Variants in SPTBN1 observed in about 807,000 individuals in gnomAD.
SPTBN1 encodes spectrin beta, non-erythrocytic 1.
A neutral mutation model predicts 266.4 loss-of-function variants in SPTBN1; 32 were observed. The observed-to-expected ratio is 0.12, with a 90% confidence interval of 0.09 to 0.16. The LOEUF (loss-of-function observed/expected upper bound fraction) is 0.16, where lower values mean the gene tolerates loss of function less well. Among genes scored for constraint, SPTBN1 ranks in the 10% least tolerant of loss-of-function variants. The pLI, the probability that SPTBN1 is intolerant of heterozygous loss-of-function variation, is 1.00. For missense variants in SPTBN1, 2,296 were observed against 3,067.1 expected (o/e 0.75, Z 5.94); for synonymous variants, 1,336 against 1,162.2 (o/e 1.15, Z -3.04).
chr2:54,494,267 A>T (rs527933741), intron 1 of SPTBN1, among the ~76,000 whole-genome samples: 2 of 152,354 alleles, frequency 1.3e-5, no homozygotes, highest in East Asian at 3.9e-4. Flanking sequence ...TTTTAAGAGG[A>T]TATTCCTCTG....
intron 1 of SPTBN1, among the ~76,000 whole-genome samples, chr2:54,496,512 C>T (rs1668980499): frequency 6.7e-6 from 1 of 149,446 alleles, no homozygotes; most frequent in Non-Finnish European, 1.5e-5. Flanking sequence ...TTATCTTCTA[C>T]ATATTATTAG....
chr2:54,471,610 G>A lies in SPTBN1; in HGVS notation c.-48+15092G>A, dbSNP rs151214046. ...TGGGACGTGATTCCAGCAAGGCTGT[G>A]CATCAAATGTTGGAATGTGTTGGAG... is the stretch of plus-strand genomic sequence containing the variant. On this transcript the variant is annotated intron_variant, in intron 1 of 35. Transcript: ENST00000356805. Among the ~76,000 whole-genome samples the A allele has an allele frequency of 1.8e-4, 28 of 152,220 alleles. No individual in the cohort carries two copies. The East Asian group carries it at 5.2e-3, about 28-fold the overall frequency.
At chr2:54,627,259 T>C (rs1318949441) in intron 12 of SPTBN1, among the ~76,000 whole-genome samples, 3 of 152,234 alleles carry the variant, frequency 2.0e-5, no homozygotes, top group South Asian at 4.1e-4. Flanking sequence ...GAAATGTTCG[T>C]AAAATGTAGC....
At chr2:54,468,606 T>G (rs2103844269) in intron 1 of SPTBN1, among the ~76,000 whole-genome samples, 1 of 152,356 alleles carries the variant, frequency 6.6e-6, no homozygotes, top group South Asian at 2.1e-4. Flanking sequence ...CACTATCTGT[T>G]GCCCTGAGCT....
intron 2 of SPTBN1, among the ~76,000 whole-genome samples, chr2:54,585,236 T>G (rs1442007777): frequency 1.3e-5 from 2 of 152,218 alleles, no homozygotes; most frequent in African/African-American, 4.8e-5. Context: ...AAGCTTTGGT[T>G]AGTGTTCCTA....
intron 2 of SPTBN1, among the ~76,000 whole-genome samples, chr2:54,584,861 C>G (rs542353719): frequency 6.6e-6 from 1 of 152,214 alleles, no homozygotes; most frequent in South Asian, 2.1e-4. Context: ...AAACTACAAA[C>G]AGCCAGGTCC....
Position 54,554,514 on chromosome 2 carries a change from A to C in SPTBN1, c.148+27948A>C, listed in dbSNP as rs772710200. On this transcript the variant is annotated intron_variant, in intron 2 of 35. Coordinates refer to ENST00000356805, the MANE Select transcript of SPTBN1 (RefSeq NM_003128.3). The surrounding 1 kb of genome is among the most constrained non-coding windows in gnomAD (Gnocchi z 4.5). ...AACTGGGACTGCAGTTAGAAGTGGG[A>C]CCTAAGCAGGGTGAACCCAAATCAC... Among the ~76,000 whole-genome samples, 1 of 152,248 alleles carries C rather than the reference A, an allele frequency of 6.6e-6. No individual in the cohort carries two copies. The highest frequency in any genetic ancestry group is 1.5e-5 in the Non-Finnish European group (1 of 68,036).
At position 54,620,963 on chromosome 2, in the gene SPTBN1, G is replaced by A. The variant is rs374281280; in HGVS notation, c.764-437G>A. On this transcript the variant is annotated intron_variant, in intron 7 of 35. Transcript: ENST00000356805. ...TGTTTCAGGGCTGGTTATGTGACAG[G>A]ATGGGTCTGAAACATGAGTGACAAT... 5.9e-5 allele frequency among the ~76,000 whole-genome samples: 9 copies of A among 152,138 alleles called. No homozygotes were observed. In the East Asian group the frequency reaches 1.2e-3, roughly 20 times the overall value.
intron 2 of SPTBN1, among the ~76,000 whole-genome samples, chr2:54,559,889 T>C (rs1323166607): frequency 6.6e-6 from 1 of 152,204 alleles, no homozygotes; most frequent in Non-Finnish European, 1.5e-5. Context: ...AGCCCTAGAA[T>C]GTTTTTCATT....
chr2:54,467,894 G>A (rs1046583439), intron 1 of SPTBN1, among the ~76,000 whole-genome samples: 12 of 151,872 alleles, frequency 7.9e-5, no homozygotes, highest in African/African-American at 2.7e-4. Flanking sequence ...GTATTTTTAA[G>A]ATATCTTTTT....
intron 15 of SPTBN1, 91 bp downstream of exon 15, chr2:54,630,120 C>T: frequency 6.7e-7 from 1 of 1,494,158 alleles, no homozygotes. Context: ...GGGAATTTCC[C>T]ACATGGGGTC....
intron 2 of SPTBN1, among the ~76,000 whole-genome samples, chr2:54,578,357 G>A (rs1360328983): frequency 2.0e-5 from 3 of 152,128 alleles, no homozygotes; most frequent in Non-Finnish European, 2.9e-5. Flanking sequence ...AAATATTTTC[G>A]ACTGGTTGAG....
intron 1 of SPTBN1, among the ~76,000 whole-genome samples, chr2:54,519,362 G>A (rs1411535650): frequency 1.3e-5 from 2 of 152,232 alleles, no homozygotes; most frequent in African/African-American, 2.4e-5. Flanking sequence ...CGGTGCATAA[G>A]GTGTCGGAGG....
intron 2 of SPTBN1, among the ~76,000 whole-genome samples, chr2:54,543,717 TGA>T (rs1672071575): frequency 1.3e-5 from 2 of 152,178 alleles, no homozygotes; most frequent in East Asian, 1.9e-4. Context: ...AAACATTTAT[TGA>T]GAGAATGATT....
rs1005455214 is a variant in SPTBN1 at position 54,668,712 on chromosome 2, CG to C, written c.*151del. The C allele has an allele frequency of 6.2e-4, 331 of 537,592 alleles. No individual in the cohort carries two copies. Among genetic ancestry groups the C allele is most frequent in the Non-Finnish European group, 7.6e-4 (252 of 329,780 alleles). 33.3% of individuals were successfully genotyped at this position (537,592 alleles called of 1,614,324 possible). A position where few individuals can be genotyped will look rare whatever the true frequency, so the allele number is the denominator to read the frequency against. ...TTTTTTTTTAATTTATAGAGCATTT[CG>C]GGGGGGGTGGGGGAAACACACCTAA... On this transcript the variant is annotated 3_prime_UTR_variant, in exon 36 of 36. Coordinates refer to ENST00000356805, the MANE Select transcript of SPTBN1 (RefSeq NM_003128.3).
At chr2:54,485,842 C>T (rs1471493889) in intron 1 of SPTBN1, among the ~76,000 whole-genome samples, 3 of 151,492 alleles carry the variant, frequency 2.0e-5, no homozygotes, top group Non-Finnish European at 2.9e-5. Context: ...TCTGCCCCGC[C>T]GCCCTGTCTG....
intron 18 of SPTBN1, among the ~76,000 whole-genome samples, chr2:54,641,583 C>G (rs1679561043): frequency 1.3e-5 from 2 of 152,146 alleles, no homozygotes; most frequent in South Asian, 4.1e-4. Flanking sequence ...TCTTTGATGA[C>G]AAAGGACTTT....
chr2:54,556,227 A>G (rs1672859359), intron 2 of SPTBN1, among the ~76,000 whole-genome samples: 1 of 152,180 alleles, frequency 6.6e-6, no homozygotes, highest in South Asian at 2.1e-4. Context: ...CATCACACCA[A>G]ATGGATTCCC....
chr2:54,664,346 T>C lies in SPTBN1; in HGVS notation c.6421-107T>C, dbSNP rs1369267467. 1.7e-6 allele frequency: 2 copies of C among 1,154,066 alleles called. No individual in the cohort carries two copies. Among genetic ancestry groups the C allele is most frequent in the Admixed American group, 2.1e-5 (1 of 47,786 alleles). The allele number at this position is 1,154,066 out of a possible 1,614,324, so 71.5% of individuals were successfully genotyped here. A position where few individuals can be genotyped will look rare whatever the true frequency, so the allele number is the denominator to read the frequency against. ...CAATGGTTTTACTGTACTGCCTCGATCTGTGCCAGGCATTTATACACAGCC... is the reference window on the plus strand; with the variant it reads ...CAATGGTTTTACTGTACTGCCTCGACCTGTGCCAGGCATTTATACACAGCC... On this transcript the variant is annotated intron_variant, in intron 32 of 35. Coordinates refer to ENST00000356805, the MANE Select transcript of SPTBN1 (RefSeq NM_003128.3). The surrounding 1 kb of genome is among the most constrained non-coding windows in gnomAD (Gnocchi z 5.6).
Sources: allele counts gnomAD v4.1 joint callset (sites outside exome capture counted in the v4.1 genomes callset), GRCh38; gene constraint gnomAD v4.1.1; non-coding constraint Gnocchi (gnomAD v3.1); transcripts MANE v1.5; gene names NCBI Gene and HGNC (gene_info 2026-07-23, HGNC 2026-07-21).